Variants in SLC9A8 observed in about 807,000 individuals in gnomAD.
SLC9A8 encodes the protein sodium/hydrogen exchanger 8.
Under a neutral mutation model 66.6 loss-of-function variants are expected in SLC9A8, and 48 were observed. The ratio of observed to expected loss-of-function variants is 0.72; its 90% CI spans 0.57 to 0.92. SLC9A8 has a LOEUF of 0.92. SLC9A8 is among the 40% of genes least tolerant of loss of function. SLC9A8 has a pLI of 0.00. For missense variants in SLC9A8, 599 were observed against 747.3 expected (o/e 0.80, Z 2.31); for synonymous variants, 274 against 282.6 (o/e 0.97, Z 0.31).
chr20:49,829,951 GC>G, intron 3 of SLC9A8: 1 of 593,984 alleles, frequency 1.7e-6, no homozygotes, highest in Non-Finnish European at 3.3e-6. Context: ...AGCGGGGTCA[GC>G]CCCCAAAGAA....
chr20:49,821,764 A>G (rs1325751311), intron 2 of SLC9A8, among the ~76,000 whole-genome samples: 1 of 151,434 alleles, frequency 6.6e-6, no homozygotes. Context: ...TGAAGTACCC[A>G]TTTTTTTTGC....
At chr20:49,864,051 T>G (rs1241950108) in intron 9 of SLC9A8, 1 of 152,208 alleles carries the variant, frequency 6.6e-6, no homozygotes, top group African/African-American at 2.4e-5. Flanking sequence ...GTTCAGTATT[T>G]TCCTCTATAT....
chr20:49,818,479 ATTTTTTTTTTT>A (rs758928369), intron 2 of SLC9A8, among the ~76,000 whole-genome samples: 1 of 125,030 alleles, frequency 8.0e-6, no homozygotes, highest in Non-Finnish European at 1.7e-5. Flanking sequence ...CAAACATTGA[ATTTTTTTTTTT>A]TTTTTTTTTT....
At chr20:49,816,570 C>T (rs545110821) in intron 2 of SLC9A8, among the ~76,000 whole-genome samples, 2 of 152,136 alleles carry the variant, frequency 1.3e-5, no homozygotes, top group South Asian at 2.1e-4. Context: ...AGATACCAGT[C>T]GAGAGGTTTA....
Position 49,876,936 on chromosome 20 carries a change from A to G in SLC9A8, c.1076-1045A>G, listed in dbSNP as rs182005215. Among the ~76,000 whole-genome samples, 22 of 152,304 alleles carry G rather than the reference A, an allele frequency of 1.4e-4. No homozygotes were observed. The East Asian group carries it at 2.5e-3, about 17-fold the overall frequency. On this transcript the variant is annotated intron_variant, in intron 11 of 15. Transcript: ENST00000361573. ...TTGTTTTAAACTTGGGTACCATTCA[A>G]AGGAAAAACATTGTTAGAATGTAAA...
At chr20:49,839,223 T>C (rs566813462) in intron 3 of SLC9A8, among the ~76,000 whole-genome samples, 1 of 152,312 alleles carries the variant, frequency 6.6e-6, no homozygotes, top group East Asian at 1.9e-4. Flanking sequence ...GCATTTCACA[T>C]TGAAAATGGG....
chr20:49,820,941 T>C (rs750692816), intron 2 of SLC9A8, among the ~76,000 whole-genome samples: 29 of 152,230 alleles, frequency 1.9e-4, no homozygotes, highest in Non-Finnish European at 3.1e-4. Context: ...GAACATCTTT[T>C]GTCTATTCAT....
At chr20:49,830,088 A>G (rs1600662323) in intron 3 of SLC9A8, 3 of 740,854 alleles carry the variant, frequency 4.0e-6, no homozygotes, top group South Asian at 4.0e-5. Context: ...CATTTCCATC[A>G]TTTCCTGCTA....
In SLC9A8 at chr20:49,877,962, A is replaced by G. The variant is rs76324116; in HGVS notation, c.1076-19A>G. The G allele has an allele frequency of 2.3e-3, 3,621 of 1,562,504 alleles. 84 individuals are homozygous for G. The East Asian group carries it at 0.046, about 20-fold the overall frequency. The stretch of plus-strand genomic sequence containing the variant: ...TGAAATCATTGGGGTTGAATAATCC[A>G]TTCTTTGGTTTGTTTCAGAAACATG... On this transcript the variant is annotated intron_variant, in intron 11 of 15. Coordinates refer to ENST00000361573, the MANE Select transcript of SLC9A8 (RefSeq NM_015266.3).
At chr20:49,859,836 AATACT>A (rs1391225820) in intron 8 of SLC9A8, among the ~76,000 whole-genome samples, 2 of 152,228 alleles carry the variant, frequency 1.3e-5, no homozygotes, top group Non-Finnish European at 2.9e-5. Flanking sequence ...ACCCTGAAGC[AATACT>A]CCCTTTTATT....
chr20:49,866,636 T>G (rs1024298326), intron 10 of SLC9A8, among the ~76,000 whole-genome samples: 1 of 152,164 alleles, frequency 6.6e-6, no homozygotes, highest in Admixed American at 6.5e-5. Flanking sequence ...TTTTTTGGGT[T>G]TATAGTTTAT....
At position 49,823,183 on chromosome 20, in the gene SLC9A8, T is replaced by C. The variant is rs184574635; in HGVS notation, c.289+42T>C. ...GATTCCATAATAAAAGCAGTAACAA[T>C]AACTACCATTTTTTGAGTGCCTCTT... is the stretch of plus-strand genomic sequence containing the variant. On this transcript the variant is annotated intron_variant, in intron 3 of 15. Transcript: ENST00000361573. 9.3e-4 allele frequency: 1,380 copies of C among 1,477,568 alleles called. 22 individuals carry two copies. The Admixed American group carries it at 0.022, about 23-fold the overall frequency. 91.5% of individuals were successfully genotyped at this position (1,477,568 alleles called of 1,614,324 possible).
chr20:49,888,273 G>A lies in SLC9A8; in HGVS notation c.*337G>A. 1 of 301,194 alleles carries A rather than the reference G, an allele frequency of 3.3e-6. No individual in the cohort carries two copies. The highest frequency in any genetic ancestry group is 6.5e-6 in the Non-Finnish European group (1 of 154,836). 18.7% of individuals were successfully genotyped at this position (301,194 alleles called of 1,614,324 possible). ...CCCCCCCACCCGGAGGACCCCTGCGGCCCCCTGCCTAGAGGAGCACCATCT... is the reference window on the plus strand; with the variant it reads ...CCCCCCCACCCGGAGGACCCCTGCGACCCCCTGCCTAGAGGAGCACCATCT... On this transcript the variant is annotated 3_prime_UTR_variant, in exon 16 of 16. Transcript: ENST00000361573.
At chr20:49,847,402 GA>G (rs2088045594) in intron 5 of SLC9A8, among the ~76,000 whole-genome samples, 1 of 138,110 alleles carries the variant, frequency 7.2e-6, no homozygotes, top group South Asian at 2.2e-4. Context: ...TTTTTTTTTA[GA>G]GGGGAGAGAA....
At chr20:49,830,299 C>T in intron 3 of SLC9A8, 2 of 1,146,564 alleles carry the variant, frequency 1.7e-6, no homozygotes, top group Non-Finnish European at 2.6e-6. Context: ...ATGGGTCACA[C>T]AGTGACTGTC....
At chr20:49,850,661 T>C (rs1331115121) in intron 6 of SLC9A8, 149 bp from the exon 7 acceptor site, 1 of 897,814 alleles carries the variant, frequency 1.1e-6, no homozygotes, top group Non-Finnish European at 1.6e-6. Flanking sequence ...AACTAAGGCT[T>C]AGGAGCTTTT....
intron 14 of SLC9A8, among the ~76,000 whole-genome samples, chr20:49,884,349 C>A (rs1014560748): frequency 1.3e-5 from 2 of 149,834 alleles, no homozygotes; most frequent in African/African-American, 4.9e-5. Flanking sequence ...CCCCGGTCAT[C>A]CCCCCTGAGA....
chr20:49,887,037 T>C, intron 15 of SLC9A8, 139 bp downstream of exon 15: 1 of 891,902 alleles, frequency 1.1e-6, no homozygotes, highest in East Asian at 2.6e-5. Flanking sequence ...CGCCTCCCGA[T>C]CTGGAGGCTG....
intron 2 of SLC9A8, among the ~76,000 whole-genome samples, chr20:49,815,949 T>G (rs2086533919): frequency 6.6e-6 from 1 of 152,176 alleles, no homozygotes; most frequent in African/African-American, 2.4e-5. Context: ...CATGTGAATT[T>G]TATTTAATGG....
Sources: gnomAD v4.1 joint callset for allele counts (sites outside exome capture counted in the v4.1 genomes callset) on GRCh38, gnomAD v4.1.1 for gene constraint, MANE v1.5 for transcripts, NCBI Gene and HGNC (gene_info 2026-07-23, HGNC 2026-07-21) for gene names.